XIRP2: variants seen among roughly 807,000 people sequenced by gnomAD.
XIRP2 encodes the protein xin actin binding repeat containing 2.
Under a neutral mutation model 277.0 loss-of-function variants are expected in XIRP2, and 236 were observed. That is an observed-to-expected ratio of 0.85 (90% CI 0.77 to 0.95). The LOEUF (loss-of-function observed/expected upper bound fraction) is 0.95, where lower values mean the gene tolerates loss of function less well. XIRP2 is among the 40% of genes least tolerant of loss of function. XIRP2 has a pLI of 0.00. For synonymous variants in XIRP2, 1,490 were observed against 1,416.5 expected, an observed-to-expected ratio of 1.05 and a Z score of -1.17; for missense variants, 4,640 against 4,157.5, an observed-to-expected ratio of 1.12 and a Z score of -3.19.
In XIRP2 at chr2:167,032,209, T is replaced by C. The variant is rs1455609147; in HGVS notation, c.409-103700T>C. On this transcript the variant is annotated intron_variant, in intron 2 of 10. Transcript: ENST00000409195. Reference sequence around the variant, plus strand: ...ACAAAAACAAGCAATGGGGAAGGGATTCCCTATTTAATAAATGGTGTTGGG... The same window carrying C: ...ACAAAAACAAGCAATGGGGAAGGGACTCCCTATTTAATAAATGGTGTTGGG... 2.0e-5 allele frequency among the ~76,000 whole-genome samples: 3 copies of C among 152,120 alleles called. No homozygotes were observed. The East Asian group carries it at 5.8e-4, about 29-fold the overall frequency.
chr2:166,895,684 C>T (rs1300842596), intron 1 of XIRP2, among the ~76,000 whole-genome samples: 3 of 152,230 alleles, frequency 2.0e-5, no homozygotes, highest in East Asian at 3.9e-4. Flanking sequence ...TGTATTTTAA[C>T]ATACACAGGC....
intron 2 of XIRP2, among the ~76,000 whole-genome samples, chr2:166,972,699 A>C (rs912891488): frequency 6.6e-6 from 1 of 152,214 alleles, no homozygotes; most frequent in African/African-American, 2.4e-5. Context: ...TAAGGAATTT[A>C]TACAGTCAGA....
intron 2 of XIRP2, among the ~76,000 whole-genome samples, chr2:167,119,414 A>G (rs1690990464): frequency 6.6e-6 from 1 of 152,228 alleles, no homozygotes; most frequent in Non-Finnish European, 1.5e-5. Flanking sequence ...TGAGAGAGCA[A>G]AGGTAAAATA....
chr2:166,932,462 C>T (rs1415470356), intron 2 of XIRP2, among the ~76,000 whole-genome samples: 1 of 152,198 alleles, frequency 6.6e-6, no homozygotes, highest in South Asian at 2.1e-4. Context: ...AATCCTCCCA[C>T]CTCAGCTGAA....
Position 167,247,382 on chromosome 2 carries a change from T to C in XIRP2, c.5990T>C (p.Leu1997Pro), listed in dbSNP as rs770780170. ...AAGTGGCAAGGGGGAGCAGATACTC[T>C]CAGTCAAACTATGGGGAAATCTTGC... ...AAKWQGGADT[L>P]SQTMGKSCHG... is the part of the protein sequence containing the mutation. Residue 1997 changes from leucine to proline, a missense_variant, in exon 9 of 11, where the codon CTC (leucine) becomes CCC (proline). By Grantham distance (98) the Leu-to-Pro change is moderately conservative. Transcript: ENST00000409195. 1 of 1,613,756 alleles carries C rather than the reference T, an allele frequency of 6.2e-7. No individual in the cohort carries two copies. The highest frequency in any genetic ancestry group is 8.5e-7 in the Non-Finnish European group (1 of 1,179,800).
chr2:167,085,537 G>A lies in XIRP2; in HGVS notation c.409-50372G>A, dbSNP rs534721360. ...CTCGTTGATCTGTCTAATGTTGACA[G>A]TGGGGTGTTAAAGTCTCCCATTATT... On this transcript the variant is annotated intron_variant, in intron 2 of 10. Coordinates refer to ENST00000409195, the MANE Select transcript of XIRP2 (RefSeq NM_152381.6). 4.6e-5 allele frequency among the ~76,000 whole-genome samples: 7 copies of A among 152,190 alleles called. No individual in the cohort carries two copies. The South Asian group carries it at 1.5e-3, about 32-fold the overall frequency.
chr2:167,238,386 A>G (rs1051474681), intron 5 of XIRP2, among the ~76,000 whole-genome samples: 1 of 152,102 alleles, frequency 6.6e-6, no homozygotes, highest in African/African-American at 2.4e-5. Context: ...TAGGACTTCT[A>G]GGAAGGCCTC....
intron 2 of XIRP2, among the ~76,000 whole-genome samples, chr2:167,025,542 A>G (rs1001205526): frequency 6.6e-6 from 1 of 150,932 alleles, no homozygotes; most frequent in Non-Finnish European, 1.5e-5. Context: ...TTTAATTGTG[A>G]TGTTAGGGTG....
chr2:167,100,783 CCTT>C (rs1459914704), intron 2 of XIRP2, among the ~76,000 whole-genome samples: 6 of 152,130 alleles, frequency 3.9e-5, no homozygotes, highest in Non-Finnish European at 8.8e-5. Flanking sequence ...TCTGCCTCTC[CCTT>C]CTTCTTCCAT....
In XIRP2 at chr2:166,897,951, G is replaced by A. The variant is rs1028308123; in HGVS notation, c.-18-5514G>A. On this transcript the variant is annotated intron_variant, in intron 1 of 10. Coordinates refer to ENST00000409195, the MANE Select transcript of XIRP2 (RefSeq NM_152381.6). ...TTAGGACACATGCAGGTGGCATGCA[G>A]GATACTCAGGGGCTTATAGAATCAA... Among the ~76,000 whole-genome samples the A allele has an allele frequency of 5.3e-5, 8 of 152,214 alleles. No individual in the cohort carries two copies. In the South Asian group the frequency reaches 1.0e-3, roughly 20 times the overall value.
chr2:167,178,361 T>G (rs1384591149), intron 3 of XIRP2, among the ~76,000 whole-genome samples: 1 of 152,140 alleles, frequency 6.6e-6, no homozygotes, highest in Admixed American at 6.5e-5. Flanking sequence ...GCATTTAAAC[T>G]GAGGTATTTA....
Position 167,242,952 on chromosome 2 carries a change from A to G in XIRP2, c.1560A>G (p.Glu520=), listed in dbSNP as rs779650871. Reference sequence around the variant, plus strand: ...ACTTAGAAAAAGATTATATCAGTGAAGTTTCTGAGATTGTTTCTAGTCAAA... The same window carrying G: ...ACTTAGAAAAAGATTATATCAGTGAGGTTTCTGAGATTGTTTCTAGTCAAA... ...RKNLEKDYIS[E]VSEIVSSQMN... is the part of the protein sequence containing the mutation. The change falls in exon 9 of 11, where the codon GAA becomes GAG. Residue 520 remains glutamate (E), a synonymous_variant. Transcript: ENST00000409195. 6.2e-7 allele frequency: 1 copy of G among 1,613,800 alleles called. No individual in the cohort carries two copies. The highest frequency in any genetic ancestry group is 2.2e-5 in the East Asian group (1 of 44,850).
intron 3 of XIRP2, among the ~76,000 whole-genome samples, chr2:167,193,925 C>T (rs984283016): frequency 1.3e-5 from 2 of 149,722 alleles, no homozygotes; most frequent in Non-Finnish European, 3.0e-5. Flanking sequence ...GACACAGTAT[C>T]TTGTAATTAT....
chr2:167,049,606 C>A (rs1173502409), intron 2 of XIRP2, among the ~76,000 whole-genome samples: 1 of 151,888 alleles, frequency 6.6e-6, no homozygotes, highest in African/African-American at 2.4e-5. Flanking sequence ...CGCTTATAAC[C>A]TTTTTGTCCA....
chr2:166,952,396 T>A (rs1686058786), intron 2 of XIRP2, among the ~76,000 whole-genome samples: 1 of 152,020 alleles, frequency 6.6e-6, no homozygotes, highest in African/African-American at 2.4e-5. Context: ...ACTGCTGAGG[T>A]CTTTATATGC....
chr2:166,902,251 C>T (rs1045660289), intron 1 of XIRP2, among the ~76,000 whole-genome samples: 2 of 152,046 alleles, frequency 1.3e-5, no homozygotes, highest in Non-Finnish European at 2.9e-5. Context: ...GAAAATATCA[C>T]CAGGCAGTTC....
chr2:167,257,960 C>A lies in XIRP2; in HGVS notation c.*143C>A. ...TTATGATGAAGGTTTTGGACATAAGCAGCATAAAGATAGATGGAACTGCAA... is the reference window on the plus strand; with the variant it reads ...TTATGATGAAGGTTTTGGACATAAGAAGCATAAAGATAGATGGAACTGCAA... On this transcript the variant is annotated 3_prime_UTR_variant, in exon 11 of 11. Coordinates refer to ENST00000409195, the MANE Select transcript of XIRP2 (RefSeq NM_152381.6). 1 of 1,612,956 alleles carries A rather than the reference C, an allele frequency of 6.2e-7. No homozygotes were observed. Among genetic ancestry groups the A allele is most frequent in the Non-Finnish European group, 8.5e-7 (1 of 1,179,382 alleles).
intron 2 of XIRP2, among the ~76,000 whole-genome samples, chr2:167,082,359 G>T (rs1277319106): frequency 6.6e-6 from 1 of 151,956 alleles, no homozygotes; most frequent in Non-Finnish European, 1.5e-5. Context: ...TGGGCATTTG[G>T]GTTGGTTCCA....
intron 2 of XIRP2, among the ~76,000 whole-genome samples, chr2:166,994,845 A>G (rs1386094918): frequency 2.6e-5 from 4 of 152,142 alleles, no homozygotes; most frequent in Non-Finnish European, 5.9e-5. Context: ...GGAATTGTGT[A>G]CTACATTTAC....
Sources: allele counts gnomAD v4.1 joint callset (sites outside exome capture counted in the v4.1 genomes callset), GRCh38; gene constraint gnomAD v4.1.1; transcripts MANE v1.5; gene names NCBI Gene and HGNC (gene_info 2026-07-23, HGNC 2026-07-21).